The following SMAD1 variants were observed in gnomAD, a reference collection of about 807,000 sequenced individuals.
The protein encoded by SMAD1 is SMAD family member 1.
Under a neutral mutation model 41.6 loss-of-function variants are expected in SMAD1, and 6 were observed. That is an observed-to-expected ratio of 0.14 (90% confidence interval 0.08 to 0.28). The LOEUF (loss-of-function observed/expected upper bound fraction) is 0.28. Among genes scored for constraint, SMAD1 ranks in the 10% least tolerant of loss-of-function variants. The pLI is 1.00. For synonymous variants in SMAD1, 206 were observed against 203.2 expected (o/e 1.01, Z -0.12); for missense variants, 379 against 582.6 (o/e 0.65, Z 3.60).
At chr4:145,528,712 A>G (rs1435128515) in intron 2 of SMAD1, among the ~76,000 whole-genome samples, 1 of 152,232 alleles carries the variant, frequency 6.6e-6, no homozygotes, top group African/African-American at 2.4e-5. Flanking sequence ...GCAATAGATG[A>G]ATAGACACCA....
chr4:145,536,799 A>T (rs899295209), intron 2 of SMAD1, among the ~76,000 whole-genome samples: 1 of 152,226 alleles, frequency 6.6e-6, no homozygotes, highest in African/African-American at 2.4e-5. Flanking sequence ...AAGGAAAGAT[A>T]GAGACTGTCT....
intron 2 of SMAD1, among the ~76,000 whole-genome samples, chr4:145,526,116 A>T (rs1731004769): frequency 6.6e-6 from 1 of 152,222 alleles, no homozygotes; most frequent in Admixed American, 6.5e-5. Context: ...GGTCTGGCTT[A>T]TGTGGTCGCA....
rs1295720261 is a variant in SMAD1 at position 145,553,849 on chromosome 4, G to A, written c.1063G>A (p.Val355Met). ...ATGCCTTAGTGACAGTAGCATCTTT[G>A]TGCAAAGTCGGAACTGCAACTACCA... ...AECLSDSSIF[V>M]QSRNCNYHHG... Residue 355 changes from valine to methionine, a missense_variant, in exon 6 of 7, where the codon GTG becomes ATG. Around this residue, in one of 3 missense-constraint regions of SMAD1, gnomAD observed 107 missense variants for 218.3 expected, o/e 0.49. Coordinates refer to ENST00000302085, the MANE Select transcript of SMAD1 (RefSeq NM_005900.3). The A allele has an allele frequency of 6.2e-7, 1 of 1,614,018 alleles. No homozygotes were observed. Among genetic ancestry groups the A allele is most frequent in the South Asian group, 1.1e-5 (1 of 91,084 alleles).
intron 1 of SMAD1, among the ~76,000 whole-genome samples, chr4:145,510,119 A>G (rs1729997154): frequency 6.6e-6 from 1 of 152,158 alleles, no homozygotes; most frequent in African/African-American, 2.4e-5. Context: ...ATAATTTTTA[A>G]TTTCTGAGGC....
At chr4:145,513,781 T>C (rs1350289959) in intron 1 of SMAD1, among the ~76,000 whole-genome samples, 1 of 152,218 alleles carries the variant, frequency 6.6e-6, no homozygotes, top group African/African-American at 2.4e-5. Context: ...TGAATCTAAA[T>C]CTAAAATATT....
At chr4:145,492,142 C>G (rs981761539) in intron 1 of SMAD1, among the ~76,000 whole-genome samples, 3 of 152,160 alleles carry the variant, frequency 2.0e-5, no homozygotes, top group African/African-American at 7.2e-5. Flanking sequence ...CTACAACAGT[C>G]AACACAAAAT....
In SMAD1 at chr4:145,482,516, C is replaced by T. The variant is rs1449944269; in HGVS notation, c.-177+478C>T. The T allele has an allele frequency of 6.6e-6, 1 of 151,834 alleles. No individual in the cohort carries two copies. The highest frequency in any genetic ancestry group is 2.4e-5 in the African/African-American group (1 of 41,344). The allele number at this position is 151,834 out of a possible 1,614,324, so 9.4% of individuals were successfully genotyped here. On this transcript the variant is annotated intron_variant, in intron 1 of 6. Coordinates refer to ENST00000302085, the MANE Select transcript of SMAD1 (RefSeq NM_005900.3). This position sits in a 1 kb window ranked among gnomAD's most constrained non-coding sequence, Gnocchi z 4.2. Reference sequence around the variant, plus strand: ...GTCCCCCGCGCCGGCGGGGCGACCCCTGCGGGAGCTGGAGGACGACCGCTG... The same window carrying T: ...GTCCCCCGCGCCGGCGGGGCGACCCTTGCGGGAGCTGGAGGACGACCGCTG...
At chr4:145,480,938 C>A (rs1466545088), upstream of SMAD1, among the ~76,000 whole-genome samples, 1 of 88,770 alleles carries the variant, frequency 1.1e-5, no homozygotes. Context: ...TTTTTTTTTG[C>A]TTCATGTGAA....
intron 1 of SMAD1, among the ~76,000 whole-genome samples, chr4:145,490,315 C>T (rs1384669679): frequency 6.6e-6 from 1 of 152,168 alleles, no homozygotes; most frequent in Non-Finnish European, 1.5e-5. Flanking sequence ...TGTGGCAGAG[C>T]TCCTGTGCAC....
chr4:145,540,287 T>C (rs1731850470), intron 3 of SMAD1, among the ~76,000 whole-genome samples: 2 of 152,352 alleles, frequency 1.3e-5, no homozygotes, highest in South Asian at 4.1e-4. Flanking sequence ...ATAAGCTATA[T>C]TTTCCCCTTG....
chr4:145,504,348 T>C (rs2126352161), intron 1 of SMAD1, among the ~76,000 whole-genome samples: 1 of 152,332 alleles, frequency 6.6e-6, no homozygotes, highest in East Asian at 1.9e-4. Context: ...ACTAGATCCA[T>C]TTCTGTTTTT....
intron 6 of SMAD1, among the ~76,000 whole-genome samples, chr4:145,554,592 G>T (rs1337088366): frequency 6.6e-6 from 1 of 152,146 alleles, no homozygotes; most frequent in Non-Finnish European, 1.5e-5. Context: ...CCTTGCCCAA[G>T]ATAAATAGAT....
At chr4:145,543,586 C>A (rs1025618553) in intron 4 of SMAD1, among the ~76,000 whole-genome samples, 2 of 152,152 alleles carry the variant, frequency 1.3e-5, no homozygotes, top group Non-Finnish European at 2.9e-5. Flanking sequence ...AATTTCTTTC[C>A]CCCTTTAGTA....
At chr4:145,534,507 A>T (rs185094479) in intron 2 of SMAD1, among the ~76,000 whole-genome samples, 14 of 152,342 alleles carry the variant, frequency 9.2e-5, no homozygotes, top group African/African-American at 3.4e-4. Flanking sequence ...GCTGGCCCCT[A>T]TCGGATATTA....
At chr4:145,547,841 G>A (rs957824926) in intron 5 of SMAD1, among the ~76,000 whole-genome samples, 5 of 152,140 alleles carry the variant, frequency 3.3e-5, no homozygotes, top group Admixed American at 6.5e-5. Context: ...CATGTATTAC[G>A]TATGTGTGTA....
At chr4:145,487,776 A>G (rs1176912624) in intron 1 of SMAD1, among the ~76,000 whole-genome samples, 1 of 152,234 alleles carries the variant, frequency 6.6e-6, no homozygotes, top group African/African-American at 2.4e-5. Flanking sequence ...CTAGTCCTAT[A>G]TGCAAAACAG....
At position 145,481,974 on chromosome 4, in the gene SMAD1, G is replaced by A. The variant is rs2126919674; in HGVS notation, c.-241G>A. On this transcript the variant is annotated 5_prime_UTR_variant, in exon 1 of 7. Transcript: ENST00000302085. ...GCGCAGCGCCCGGCCGTCCGGACCC[G>A]GGCCGCGAGACCCCGCTCGCCCGGC... is the stretch of plus-strand genomic sequence containing the variant. 1 of 152,102 alleles carries A rather than the reference G, an allele frequency of 6.6e-6. No individual in the cohort carries two copies. The highest frequency in any genetic ancestry group is 2.1e-4 in the South Asian group (1 of 4,826). 9.4% of individuals were successfully genotyped at this position (152,102 alleles called of 1,614,324 possible).
chr4:145,509,578 AAAAAG>A (rs1330826535), intron 1 of SMAD1, among the ~76,000 whole-genome samples: 7 of 152,196 alleles, frequency 4.6e-5, no homozygotes, highest in Admixed American at 2.6e-4. Context: ...TTAAAATGTT[AAAAAG>A]CTGTTTTTGA....
chr4:145,524,562 G>C (rs1730926363), intron 2 of SMAD1, among the ~76,000 whole-genome samples: 1 of 152,150 alleles, frequency 6.6e-6, no homozygotes, highest in Non-Finnish European at 1.5e-5. Flanking sequence ...TTTTAAGACA[G>C]TAGTCTATAG....
Sources: gnomAD v4.1 joint callset for allele counts (sites outside exome capture counted in the v4.1 genomes callset) on GRCh38, gnomAD v4.1.1 for gene constraint, gnomAD v4.1.1 regional missense constraint, Gnocchi (gnomAD v3.1) non-coding constraint, MANE v1.5 for transcripts, NCBI Gene and HGNC (gene_info 2026-07-23, HGNC 2026-07-21) for gene names.